ULK4: variants seen among roughly 807,000 people sequenced by gnomAD.
The protein encoded by ULK4 is inactive serine/threonine-protein kinase ULK4.
ULK4 carries 133 observed loss-of-function variants against 160.6 expected under a neutral mutation model. The ratio of observed to expected loss-of-function variants is 0.83; its 90% confidence interval spans 0.72 to 0.96. The LOEUF is 0.96. Ranked by LOEUF, ULK4 falls within the 40% of genes least tolerant of loss-of-function variation. The pLI is 0.00. For missense variants in ULK4, 1,580 were observed against 1,499.5 expected (o/e 1.05, Z -0.89); for synonymous variants, 534 against 539.8 (o/e 0.99, Z 0.15).
At chr3:41,449,632 G>C (rs931182156) in intron 34 of ULK4, among the ~76,000 whole-genome samples, 1 of 151,924 alleles carries the variant, frequency 6.6e-6, no homozygotes, top group Non-Finnish European at 1.5e-5. Flanking sequence ...GAAGTCAGCA[G>C]GAAACAGAAG....
intron 22 of ULK4, among the ~76,000 whole-genome samples, chr3:41,738,371 ATG>A (rs770799531): frequency 1.5e-4 from 23 of 151,988 alleles, no homozygotes; most frequent in Non-Finnish European, 2.9e-4. Context: ...AACCACCAGC[ATG>A]TGTTTGCTGT....
chr3:41,890,735 A>G (rs1316888563), intron 16 of ULK4, among the ~76,000 whole-genome samples: 54 of 45,370 alleles, frequency 1.2e-3, no homozygotes, highest in South Asian at 3.0e-3. Flanking sequence ...GGAGGGAAGG[A>G]AGGGACAGGA....
In ULK4 at chr3:41,251,364, G is replaced by T. The variant is rs570424442; in HGVS notation, c.3679-1790C>A. Reference sequence around the variant, plus strand: ...TATCAATCAGAGGTTCCAGTTCTGCGTAAGACAGAGAAAACACATGACACT... The same window carrying T: ...TATCAATCAGAGGTTCCAGTTCTGCTTAAGACAGAGAAAACACATGACACT... On this transcript the variant is annotated intron_variant, in intron 35 of 36. Transcript: ENST00000301831. 2.1e-4 allele frequency among the ~76,000 whole-genome samples: 32 copies of T among 152,138 alleles called. 1 individual carries two copies. The highest frequency in any genetic ancestry group is 2.0e-3 in the Admixed American group (31 of 15,282).
intron 21 of ULK4, among the ~76,000 whole-genome samples, chr3:41,759,700 T>C (rs74546658): frequency 0.012 from 1,861 of 152,168 alleles, 37 homozygotes; most frequent in African/African-American, 0.04. Context: ...TATGCAAGAA[T>C]TGCACAATAA....
intron 30 of ULK4, among the ~76,000 whole-genome samples, chr3:41,655,812 C>A (rs1455546751): frequency 1.3e-5 from 2 of 152,144 alleles, no homozygotes; most frequent in Non-Finnish European, 2.9e-5. Context: ...CTTATTTTAA[C>A]AACAGTTTAA....
chr3:41,514,510 C>A (rs1293329118), intron 32 of ULK4, among the ~76,000 whole-genome samples: 1 of 152,090 alleles, frequency 6.6e-6, no homozygotes, highest in African/African-American at 2.4e-5. Context: ...AGCTCCACAA[C>A]AGCAAAGATA....
chr3:41,418,817 A>C (rs911879014), intron 34 of ULK4, among the ~76,000 whole-genome samples: 4 of 152,228 alleles, frequency 2.6e-5, no homozygotes, highest in Admixed American at 6.5e-5. Context: ...GGTGGACCAC[A>C]CAGGTGAAGC....
chr3:41,664,396 G>A (rs2125764441), intron 29 of ULK4, among the ~76,000 whole-genome samples: 1 of 152,158 alleles, frequency 6.6e-6, no homozygotes, highest in African/African-American at 2.4e-5. Context: ...GTTTCCTTAT[G>A]TCCTCTGTCT....
At chr3:41,770,758 C>T (rs1041812567) in intron 21 of ULK4, among the ~76,000 whole-genome samples, 1 of 152,158 alleles carries the variant, frequency 6.6e-6, no homozygotes, top group Non-Finnish European at 1.5e-5. Flanking sequence ...AGTGATCCAC[C>T]CACCTCAGCC....
chr3:41,659,960 C>G (rs1388858618), intron 30 of ULK4, among the ~76,000 whole-genome samples: 2 of 151,816 alleles, frequency 1.3e-5, no homozygotes. Context: ...AATCAAAGGG[C>G]AGAAAAACAT....
intron 34 of ULK4, among the ~76,000 whole-genome samples, chr3:41,431,791 T>C (rs2082916351): frequency 9.5e-6 from 1 of 105,242 alleles, no homozygotes; most frequent in Admixed American, 8.5e-5. Context: ...TCCTTTTTCT[T>C]TTCTTTTTTT....
intron 34 of ULK4, among the ~76,000 whole-genome samples, chr3:41,448,043 C>T (rs2083343494): frequency 6.6e-6 from 1 of 152,170 alleles, no homozygotes; most frequent in Non-Finnish European, 1.5e-5. Flanking sequence ...TTAGTCTATG[C>T]TACATTTGCT....
At chr3:41,918,564 A>G in intron 6 of ULK4, 24 bp from the exon 7 acceptor site, 2 of 1,295,130 alleles carry the variant, frequency 1.5e-6, no homozygotes, top group Non-Finnish European at 2.1e-6. Context: ...AAAACTTGCA[A>G]AATGAAAGAA....
At chr3:41,572,604 C>A (rs937304044) in intron 31 of ULK4, among the ~76,000 whole-genome samples, 8 of 146,650 alleles carry the variant, frequency 5.5e-5, no homozygotes, top group African/African-American at 5.0e-5. Context: ...ACTAAAAATA[C>A]AAAAAAAAAA....
chr3:41,745,631 A>C (rs1358585634), intron 22 of ULK4, among the ~76,000 whole-genome samples: 1 of 151,736 alleles, frequency 6.6e-6, no homozygotes, highest in Non-Finnish European at 1.5e-5. Context: ...GAGGGCATAC[A>C]TCACAATTCA....
chr3:41,865,098 C>G (rs556917966), intron 17 of ULK4, among the ~76,000 whole-genome samples: 39 of 151,654 alleles, frequency 2.6e-4, no homozygotes, highest in Non-Finnish European at 5.0e-4. Context: ...ATGATGAAAC[C>G]TCATCTCTAT....
intron 35 of ULK4, among the ~76,000 whole-genome samples, chr3:41,377,150 G>C (rs1459906260): frequency 6.6e-6 from 1 of 152,186 alleles, no homozygotes; most frequent in Non-Finnish European, 1.5e-5. Context: ...AATAAATGGT[G>C]CTGGGAAAAC....
intron 30 of ULK4, among the ~76,000 whole-genome samples, chr3:41,644,383 T>C (rs2034380375): frequency 6.6e-6 from 1 of 152,040 alleles, no homozygotes. Flanking sequence ...ACCTAATTTA[T>C]TGAGAGTTTT....
intron 34 of ULK4, among the ~76,000 whole-genome samples, chr3:41,428,739 C>T (rs1000404827): frequency 6.6e-6 from 1 of 152,208 alleles, no homozygotes; most frequent in East Asian, 1.9e-4. Context: ...TGAAACTGGA[C>T]CCCTTCCTTA....
Sources: allele counts gnomAD v4.1 joint callset (sites outside exome capture counted in the v4.1 genomes callset), GRCh38; gene constraint gnomAD v4.1.1; transcripts MANE v1.5; gene names NCBI Gene and HGNC (gene_info 2026-07-23, HGNC 2026-07-21).